The following ANKRD44 variants were observed in gnomAD, a reference collection of about 807,000 sequenced individuals.
ANKRD44 encodes the protein ankyrin repeat domain 44, also known as serine/threonine-protein phosphatase 6 regulatory ankyrin repeat subunit B.
In ANKRD44, 35 loss-of-function variants were observed where a neutral mutation model predicts 116.0. The ratio of observed to expected loss-of-function variants is 0.30; its 90% confidence interval spans 0.23 to 0.40. ANKRD44 has a LOEUF of 0.40. ANKRD44 is among the 10% of genes least tolerant of loss of function. The pLI, the probability that ANKRD44 is intolerant of heterozygous loss-of-function variation, is 1.00. For synonymous variants in ANKRD44, 435 were observed against 461.8 expected, an observed-to-expected ratio of 0.94 and a Z score of 0.74; for missense variants, 1,014 against 1,242.6, an observed-to-expected ratio of 0.82 and a Z score of 2.77.
chr2:197,051,543 C>T (rs879785248), intron 16 of ANKRD44, among the ~76,000 whole-genome samples: 2 of 152,178 alleles, frequency 1.3e-5, no homozygotes, highest in Admixed American at 1.3e-4. Flanking sequence ...ATAGGTGTTA[C>T]AGGTGCACAA....
At chr2:197,295,545 G>A (rs2083694645) in intron 1 of ANKRD44, among the ~76,000 whole-genome samples, 1 of 152,146 alleles carries the variant, frequency 6.6e-6, no homozygotes, top group Admixed American at 6.5e-5. Context: ...CAGGCAGCAG[G>A]CCATATGTGT....
At chr2:197,252,034 T>C (rs898422544) in intron 1 of ANKRD44, among the ~76,000 whole-genome samples, 1 of 152,210 alleles carries the variant, frequency 6.6e-6, no homozygotes, top group Non-Finnish European at 1.5e-5. Context: ...ATGGGAACAA[T>C]AGCCATGATA....
At chr2:197,053,156 G>A (rs901210348) in intron 16 of ANKRD44, among the ~76,000 whole-genome samples, 21 of 152,052 alleles carry the variant, frequency 1.4e-4, no homozygotes, top group African/African-American at 5.1e-4. Flanking sequence ...TGGCAACAGA[G>A]CGAGATTCTG....
downstream of ANKRD44, among the ~76,000 whole-genome samples, chr2:196,985,064 G>A (rs556106004): frequency 1.2e-4 from 19 of 152,346 alleles, no homozygotes; most frequent in Non-Finnish European, 2.2e-4. Flanking sequence ...CTGCTCGCCC[G>A]CAAGGCAAGC....
rs1291305096 is a variant in ANKRD44 at position 197,110,817 on chromosome 2, T to C, written c.934A>G (p.Met312Val). 28 of 1,613,990 alleles carry C rather than the reference T, an allele frequency of 1.7e-5. No individual in the cohort carries two copies. The highest frequency in any genetic ancestry group is 2.7e-5 in the African/African-American group (2 of 75,004). The change falls in exon 9 of 28, where the codon ATG (methionine) becomes GTG (valine). Residue 312 changes from methionine (M) to valine (V), a missense_variant. By Grantham distance (21) the Met-to-Val change is conservative. Coordinates refer to ENST00000282272, the MANE Select transcript of ANKRD44 (RefSeq NM_001195144.2). ...QSKDGKSPLHMTAVHGRFTRS... is the reference protein window; with the variant it reads ...QSKDGKSPLHVTAVHGRFTRS... ...GTGAACCTTCCATGGACAGCTGTCA[T>C]GTGCAGTGGACTTTTGCCATCTTTA...
chr2:196,975,626 A>T (rs189389697), intron 21 of ANKRD44, among the ~76,000 whole-genome samples: 15,422 of 144,926 alleles, frequency 0.11, 976 homozygotes, highest in Non-Finnish European at 0.15. Context: ...TTTTTTTTTT[A>T]AAAAAAATAC....
intron 1 of ANKRD44, among the ~76,000 whole-genome samples, chr2:197,297,376 A>G (rs139095203): frequency 6.6e-6 from 1 of 152,334 alleles, no homozygotes; most frequent in Non-Finnish European, 1.5e-5. Flanking sequence ...AACAAAAACA[A>G]ACTCAAATCA....
chr2:197,231,839 G>A (rs1054736692), intron 1 of ANKRD44, among the ~76,000 whole-genome samples: 1 of 152,058 alleles, frequency 6.6e-6, no homozygotes, highest in South Asian at 2.1e-4. Flanking sequence ...TACCTGCTAT[G>A]TGCCAGGTGC....
rs185439619 is a variant in ANKRD44, at chr2:197,167,488, G to A, written c.111+19535C>T. 4.7e-3 allele frequency among the ~76,000 whole-genome samples: 711 copies of A among 152,196 alleles called. 7 individuals are homozygous for A. The highest frequency in any genetic ancestry group is 8.0e-3 in the Admixed American group (123 of 15,294). On this transcript the variant is annotated intron_variant, in intron 2 of 27. Coordinates refer to ENST00000282272, the MANE Select transcript of ANKRD44 (RefSeq NM_001195144.2). Reference sequence around the variant, plus strand: ...AGAGCTAGACCATCTATCTTAGATGGGTATCTTCCAATCATCGAAGACTTC... The same window carrying A: ...AGAGCTAGACCATCTATCTTAGATGAGTATCTTCCAATCATCGAAGACTTC...
chr2:197,010,219 G>T lies in ANKRD44; in HGVS notation c.1925-1188C>A, dbSNP rs553848044. Among the ~76,000 whole-genome samples the T allele has an allele frequency of 6.9e-4, 105 of 152,276 alleles. 1 individual carries two copies. The highest frequency in any genetic ancestry group is 3.4e-3 in the Middle Eastern group (1 of 294). Reference sequence around the variant, plus strand: ...CTGCAATAGCTCTGACTGATGGGTGGTGGCAGAAAACAAAACCTCACGCCG... The same window carrying T: ...CTGCAATAGCTCTGACTGATGGGTGTTGGCAGAAAACAAAACCTCACGCCG... On this transcript the variant is annotated intron_variant, in intron 18 of 27. Coordinates refer to ENST00000282272, the MANE Select transcript of ANKRD44 (RefSeq NM_001195144.2).
intron 16 of ANKRD44, among the ~76,000 whole-genome samples, chr2:197,051,875 T>C (rs757606321): frequency 2.2e-4 from 33 of 152,266 alleles, no homozygotes; most frequent in Non-Finnish European, 4.3e-4. Context: ...AAGCCTCCTA[T>C]AATGCCAAGA....
chr2:197,264,072 T>C (rs998963193), intron 1 of ANKRD44, among the ~76,000 whole-genome samples: 2 of 151,956 alleles, frequency 1.3e-5, no homozygotes, highest in Non-Finnish European at 2.9e-5. Flanking sequence ...CTGGGCAACA[T>C]AGTGAGATCA....
chr2:197,208,179 C>G (rs901366382), intron 1 of ANKRD44, among the ~76,000 whole-genome samples: 3 of 152,146 alleles, frequency 2.0e-5, no homozygotes, highest in Non-Finnish European at 4.4e-5. Flanking sequence ...AAAACAAAAG[C>G]GTGACCTCAA....
At chr2:197,164,364 G>A (rs1453558415) in intron 2 of ANKRD44, among the ~76,000 whole-genome samples, 1 of 152,194 alleles carries the variant, frequency 6.6e-6, no homozygotes, top group Non-Finnish European at 1.5e-5. Context: ...CAGCTGCGGG[G>A]TCCCTGGAGT....
intron 15 of ANKRD44, among the ~76,000 whole-genome samples, chr2:197,080,095 C>G (rs2077759473): frequency 1.3e-5 from 2 of 152,148 alleles, no homozygotes; most frequent in African/African-American, 2.4e-5. Context: ...TTGAATTTGA[C>G]TCTTTAAATG....
chr2:196,989,487 CAT>C lies in ANKRD44; in HGVS notation c.*102_*103del, dbSNP rs1237551238. The C allele has an allele frequency of 1.6e-5, 21 of 1,348,744 alleles. No homozygotes were observed. Among genetic ancestry groups the C allele is most frequent in the Admixed American group, 6.4e-5 (2 of 31,432 alleles). 83.5% of individuals were successfully genotyped at this position (1,348,744 alleles called of 1,614,324 possible). On this transcript the variant is annotated 3_prime_UTR_variant, in exon 28 of 28. Coordinates refer to ENST00000282272, the MANE Select transcript of ANKRD44 (RefSeq NM_001195144.2). ...TTTTAGACTGAAGCATTTTGGTCCT[CAT>C]GTGTAGCTGGCTGATGAACTACACA...
intron 16 of ANKRD44, among the ~76,000 whole-genome samples, chr2:197,070,002 AGT>A (rs2125092470): frequency 6.6e-6 from 1 of 152,124 alleles, no homozygotes; most frequent in South Asian, 2.1e-4. Flanking sequence ...TTTTTGGGGC[AGT>A]TGAAAATAAT....
At chr2:197,291,640 T>C (rs950223857) in intron 1 of ANKRD44, among the ~76,000 whole-genome samples, 7 of 152,184 alleles carry the variant, frequency 4.6e-5, no homozygotes, top group African/African-American at 1.7e-4. Context: ...AGGAACAATG[T>C]AAAATTTCCA....
In ANKRD44 at chr2:197,052,102, CAT is replaced by C. The variant is rs541402808; in HGVS notation, c.1650+26599_1650+26600del. ...TGATGGGAGTACCCCAATATATTCT[CAT>C]AAAGGAATTTAGTCAACATGGACCC... On this transcript the variant is annotated intron_variant, in intron 16 of 27. Coordinates refer to ENST00000282272, the MANE Select transcript of ANKRD44 (RefSeq NM_001195144.2). 3.3e-3 allele frequency among the ~76,000 whole-genome samples: 499 copies of C among 152,244 alleles called. 2 individuals carry two copies. The highest frequency in any genetic ancestry group is 0.012 in the African/African-American group (481 of 41,548).
Sources: gnomAD v4.1 joint callset for allele counts (sites outside exome capture counted in the v4.1 genomes callset) on GRCh38, gnomAD v4.1.1 for gene constraint, MANE v1.5 for transcripts, NCBI Gene and HGNC (gene_info 2026-07-23, HGNC 2026-07-21) for gene names.